OLIG1: variants seen among roughly 807,000 people sequenced by gnomAD.
OLIG1 encodes the protein oligodendrocyte transcription factor 1.
OLIG1 carries 9 observed loss-of-function variants against 13.5 expected under a neutral mutation model. The observed-to-expected ratio is 0.67, with a 90% confidence interval of 0.40 to 1.17. The LOEUF is 1.17. OLIG1 is among the 50% of genes most tolerant of loss of function. The pLI is 0.01. For missense variants in OLIG1, 362 were observed against 392.2 expected, an observed-to-expected ratio of 0.92 and a Z score of 0.65; for synonymous variants, 215 against 208.3, an observed-to-expected ratio of 1.03 and a Z score of -0.28.
At position 33,072,210 on chromosome 21, in the gene OLIG1, C is replaced by T. The variant is rs754327172; in HGVS notation, c.*1148C>T. The T allele has an allele frequency of 6.0e-5, 10 of 167,110 alleles. No individual in the cohort carries two copies. The highest frequency in any genetic ancestry group is 1.4e-4 in the African/African-American group (6 of 41,462). 10.4% of individuals were successfully genotyped at this position (167,110 alleles called of 1,614,324 possible). A position where few individuals can be genotyped will look rare whatever the true frequency, so the allele number is the denominator to read the frequency against. On this transcript the variant is annotated 3_prime_UTR_variant, in exon 1 of 1. Coordinates refer to ENST00000382348, the MANE Select transcript of OLIG1 (RefSeq NM_138983.3). ...CGTCTTGCAGTTGAAGAGCTACATA[C>T]GTAGTCAGTTTCGATTTGTTACAGA...
chr21:33,070,530 GGCCGGACGCCAAGGAGGA>G lies in OLIG1; in HGVS notation c.287_304del (p.Pro96_Glu101del). ...GGCGCGCACCCGGGCGGCAGCGCCC[GGCCGGACGCCAAGGAGGA>G]GCAGCAGCAGCAGCTGCGGCGCAAG... On this transcript the variant is annotated inframe_deletion, in exon 1 of 1. Coordinates refer to ENST00000382348, the MANE Select transcript of OLIG1 (RefSeq NM_138983.3). This position sits in a 1 kb window ranked among gnomAD's most constrained non-coding sequence, Gnocchi z 5.9. 6.7e-7 allele frequency: 1 copy of G among 1,500,824 alleles called. No individual in the cohort carries two copies. The highest frequency in any genetic ancestry group is 8.8e-7 in the Non-Finnish European group (1 of 1,130,808). The allele number at this position is 1,500,824 out of a possible 1,614,324, so 93.0% of individuals were successfully genotyped here.
Position 33,070,357 on chromosome 21 carries a change from C to A in OLIG1, c.111C>A (p.Gly37=). 1 of 1,546,946 alleles carries A rather than the reference C, an allele frequency of 6.5e-7. No homozygotes were observed. Among genetic ancestry groups the A allele is most frequent in the South Asian group, 1.2e-5 (1 of 83,868 alleles). The change falls in exon 1 of 1, where the codon GGC becomes GGA. Residue 37 remains glycine, a synonymous_variant. Coordinates refer to ENST00000382348, the MANE Select transcript of OLIG1 (RefSeq NM_138983.3). The surrounding 1 kb of genome is among the most constrained non-coding windows in gnomAD (Gnocchi z 5.9). ...GGGCCTCCCTCTACGAGCTGGTGGG[C>A]TACAGGCAGCCGCCCTCCTCCTCCT... The part of the protein sequence containing the change: ...QLGASLYELV[G]YRQPPSSSSS...
rs1276721310 is a variant in OLIG1 at position 33,071,737 on chromosome 21, CT to C, written c.*676del. ...AGGGGCGAGGACAACGCAGGGTGCG[CT>C]GGGTTGGGACGTGGGTCCACTTTTG... On this transcript the variant is annotated 3_prime_UTR_variant, in exon 1 of 1. Coordinates refer to ENST00000382348, the MANE Select transcript of OLIG1 (RefSeq NM_138983.3). The surrounding 1 kb of genome is among the most constrained non-coding windows in gnomAD (Gnocchi z 6.0). 6.0e-6 allele frequency: 1 copy of C among 167,090 alleles called. No individual in the cohort carries two copies. The highest frequency in any genetic ancestry group is 1.5e-5 in the Non-Finnish European group (1 of 68,164). The allele number at this position is 167,090 out of a possible 1,614,324, so 10.4% of individuals were successfully genotyped here. A position where few individuals can be genotyped will look rare whatever the true frequency, so the allele number is the denominator to read the frequency against.
rs1230142717 is a variant in OLIG1, at chr21:33,070,564, G to A, written c.318G>A (p.Leu106=). ...PDAKEEQQQQ[L]RRKINSRERK... is the part of the protein sequence containing the mutation. ...CCAAGGAGGAGCAGCAGCAGCAGCT[G>A]CGGCGCAAGATCAACAGCCGCGAGC... is the stretch of plus-strand genomic sequence containing the variant. The change falls in exon 1 of 1, where the codon CTG becomes CTA. Residue 106 remains leucine, a synonymous_variant. Transcript: ENST00000382348. This position sits in a 1 kb window ranked among gnomAD's most constrained non-coding sequence, Gnocchi z 5.9. 2.0e-6 allele frequency: 3 copies of A among 1,531,546 alleles called. No individual in the cohort carries two copies. In the Admixed American group the frequency reaches 5.9e-5, roughly 30 times the overall value. The allele number at this position is 1,531,546 out of a possible 1,614,324, so 94.9% of individuals were successfully genotyped here.
rs1357667227 is a variant in OLIG1 at position 33,071,353 on chromosome 21, G to C, written c.*291G>C. On this transcript the variant is annotated 3_prime_UTR_variant, in exon 1 of 1. Transcript: ENST00000382348. This position sits in a 1 kb window ranked among gnomAD's most constrained non-coding sequence, Gnocchi z 6.0. ...TCTCACCCAGCACATCTCTCTCCTT[G>C]TCCCTGGAGTTGCGCGCTTCGCGGG... The C allele has an allele frequency of 7.6e-6, 2 of 263,060 alleles. No individual in the cohort carries two copies. The highest frequency in any genetic ancestry group is 1.5e-5 in the Non-Finnish European group (2 of 129,884). 16.3% of individuals were successfully genotyped at this position (263,060 alleles called of 1,614,324 possible). A position where few individuals can be genotyped will look rare whatever the true frequency, so the allele number is the denominator to read the frequency against.
chr21:33,070,382 T>A lies in OLIG1; in HGVS notation c.136T>A (p.Ser46Thr), dbSNP rs1429160994. ...CTACAGGCAGCCGCCCTCCTCCTCC[T>A]CCTCCTCCACCTCCTCCACCTCCTC... Reference protein sequence around the residue: ...VGYRQPPSSSSSSTSSTSSTS... With the variant: ...VGYRQPPSSSTSSTSSTSSTS... Residue 46 changes from serine to threonine, a missense_variant, in exon 1 of 1, where the codon TCC (serine) becomes ACC (threonine). By Grantham distance (58) the Ser-to-Thr change is moderately conservative. Transcript: ENST00000382348. This position sits in a 1 kb window ranked among gnomAD's most constrained non-coding sequence, Gnocchi z 5.9. 1 of 1,541,162 alleles carries A rather than the reference T, an allele frequency of 6.5e-7. No individual in the cohort carries two copies. The highest frequency in any genetic ancestry group is 8.7e-7 in the Non-Finnish European group (1 of 1,144,574).
In OLIG1 at chr21:33,070,361, AG is replaced by A; in HGVS notation, c.117del (p.Arg39SerfsTer83). The A allele has an allele frequency of 6.5e-7, 1 of 1,545,932 alleles. No homozygotes were observed. The highest frequency in any genetic ancestry group is 2.5e-5 in the East Asian group (1 of 40,638). ...GASLYELVGY[R>X]QPPSSSSSST... ...CTCCCTCTACGAGCTGGTGGGCTAC[AG>A]GCAGCCGCCCTCCTCCTCCTCCTCC... On this transcript the variant is annotated frameshift_variant, in exon 1 of 1. Coordinates refer to ENST00000382348, the MANE Select transcript of OLIG1 (RefSeq NM_138983.3). LOFTEE classifies it high-confidence loss of function. The surrounding 1 kb of genome is among the most constrained non-coding windows in gnomAD (Gnocchi z 5.9).
chr21:33,071,319 A>C lies in OLIG1; in HGVS notation c.*257A>C. 2.8e-6 allele frequency: 1 copy of C among 356,668 alleles called. No homozygotes were observed. Among genetic ancestry groups the C allele is most frequent in the Non-Finnish European group, 5.4e-6 (1 of 186,820 alleles). The allele number at this position is 356,668 out of a possible 1,614,324, so 22.1% of individuals were successfully genotyped here. On this transcript the variant is annotated 3_prime_UTR_variant, in exon 1 of 1. Coordinates refer to ENST00000382348, the MANE Select transcript of OLIG1 (RefSeq NM_138983.3). This position sits in a 1 kb window ranked among gnomAD's most constrained non-coding sequence, Gnocchi z 6.0. ...TCGGTTCCAGCGGCTTTAGGCAGAAAGTGCTCGCTCTCACCCAGCACATCT... is the reference window on the plus strand; with the variant it reads ...TCGGTTCCAGCGGCTTTAGGCAGAACGTGCTCGCTCTCACCCAGCACATCT...
Position 33,071,153 on chromosome 21 carries a change from G to A in OLIG1, c.*91G>A. On this transcript the variant is annotated 3_prime_UTR_variant, in exon 1 of 1. Transcript: ENST00000382348. The surrounding 1 kb of genome is among the most constrained non-coding windows in gnomAD (Gnocchi z 6.0). ...TGCTCCCTGCGTCTGGGAGAGCGAG[G>A]CCGAGCAAGGAAAGCATTTCGAACC... The A allele has an allele frequency of 8.2e-7, 1 of 1,215,780 alleles. No individual in the cohort carries two copies. Among genetic ancestry groups the A allele is most frequent in the Non-Finnish European group, 1.1e-6 (1 of 922,324 alleles). 75.3% of individuals were successfully genotyped at this position (1,215,780 alleles called of 1,614,324 possible).
rs944655378 is a variant in OLIG1, at chr21:33,071,292, G to A, written c.*230G>A. 2.4e-6 allele frequency: 1 copy of A among 420,148 alleles called. No homozygotes were observed. The highest frequency in any genetic ancestry group is 4.4e-6 in the Non-Finnish European group (1 of 227,632). The allele number at this position is 420,148 out of a possible 1,614,324, so 26.0% of individuals were successfully genotyped here. Reference sequence around the variant, plus strand: ...CGCCTCGGGGCAGTTTGGGGTTCTGGGTCGGTTCCAGCGGCTTTAGGCAGA... The same window carrying A: ...CGCCTCGGGGCAGTTTGGGGTTCTGAGTCGGTTCCAGCGGCTTTAGGCAGA... On this transcript the variant is annotated 3_prime_UTR_variant, in exon 1 of 1. Transcript: ENST00000382348. The surrounding 1 kb of genome is among the most constrained non-coding windows in gnomAD (Gnocchi z 6.0).
rs1395318659 is a variant in OLIG1 at position 33,071,552 on chromosome 21, G to C, written c.*490G>C. 1 of 165,684 alleles carries C rather than the reference G, an allele frequency of 6.0e-6. No individual in the cohort carries two copies. Among genetic ancestry groups the C allele is most frequent in the Non-Finnish European group, 1.5e-5 (1 of 68,242 alleles). 10.3% of individuals were successfully genotyped at this position (165,684 alleles called of 1,614,324 possible). On this transcript the variant is annotated 3_prime_UTR_variant, in exon 1 of 1. Transcript: ENST00000382348. The surrounding 1 kb of genome is among the most constrained non-coding windows in gnomAD (Gnocchi z 6.0). ...GTTCTTTTCCTTCTCCTCCGCCAGAGGCCACGGGCGCCCTTGTTCCCGCCG... is the reference window on the plus strand; with the variant it reads ...GTTCTTTTCCTTCTCCTCCGCCAGACGCCACGGGCGCCCTTGTTCCCGCCG...
Position 33,070,379 on chromosome 21 carries a change from TCCTCCTCCTCCACCTCCTCCA to T in OLIG1, c.142_162del (p.Ser48_Ser54del), listed in dbSNP as rs1982179451. On this transcript the variant is annotated inframe_deletion, in exon 1 of 1. Transcript: ENST00000382348. The surrounding 1 kb of genome is among the most constrained non-coding windows in gnomAD (Gnocchi z 5.9). ...GGGCTACAGGCAGCCGCCCTCCTCC[TCCTCCTCCTCCACCTCCTCCA>T]CCTCCTCCACTTCCTCCTCCTCCAC... The T allele has an allele frequency of 6.5e-7, 1 of 1,541,598 alleles. No homozygotes were observed. Among genetic ancestry groups the T allele is most frequent in the South Asian group, 1.2e-5 (1 of 83,772 alleles).
Position 33,070,478 on chromosome 21 carries a change from G to T in OLIG1, c.232G>T (p.Glu78Ter). The change falls in exon 1 of 1, where the codon GAG becomes TAG. Residue 78 changes from glutamate (E) to a stop codon, truncating the protein, a stop_gained. Transcript: ENST00000382348. LOFTEE classifies it high-confidence loss of function. The surrounding 1 kb of genome is among the most constrained non-coding windows in gnomAD (Gnocchi z 5.9). ...GCGCGAGAAGCCGGAGGCGCCGGCC[G>T]AGCCTCCAGGCCCCGGGCCCGGGTC... Reference protein sequence around the residue: ...AAREKPEAPAEPPGPGPGSGA... With the variant: ...AAREKPEAPA The T allele has an allele frequency of 6.6e-7, 1 of 1,523,970 alleles. No individual in the cohort carries two copies. Among genetic ancestry groups the T allele is most frequent in the Non-Finnish European group, 8.8e-7 (1 of 1,140,568 alleles). 94.4% of individuals were successfully genotyped at this position (1,523,970 alleles called of 1,614,324 possible). A position where few individuals can be genotyped will look rare whatever the true frequency, so the allele number is the denominator to read the frequency against.
rs1247054378 is a variant in OLIG1, at chr21:33,071,620, A to G, written c.*558A>G. The G allele has an allele frequency of 1.8e-5, 3 of 167,144 alleles. No homozygotes were observed. Among genetic ancestry groups the G allele is most frequent in the African/African-American group, 7.2e-5 (3 of 41,448 alleles). 10.4% of individuals were successfully genotyped at this position (167,144 alleles called of 1,614,324 possible). ...GAGGCTGCCGGAACTCAAGAGGCAG[A>G]AAAAGACCAGTTAGGCGGTGCAGAC... On this transcript the variant is annotated 3_prime_UTR_variant, in exon 1 of 1. Coordinates refer to ENST00000382348, the MANE Select transcript of OLIG1 (RefSeq NM_138983.3). This position sits in a 1 kb window ranked among gnomAD's most constrained non-coding sequence, Gnocchi z 6.0.
chr21:33,071,014 C>T lies in OLIG1; in HGVS notation c.768C>T (p.Val256=), dbSNP rs1412217740. Residue 256 remains valine, a synonymous_variant, in exon 1 of 1, where the codon GTC becomes GTT. Coordinates refer to ENST00000382348, the MANE Select transcript of OLIG1 (RefSeq NM_138983.3). The surrounding 1 kb of genome is among the most constrained non-coding windows in gnomAD (Gnocchi z 6.0). ...TCAVCKFPHL[V]PASLGLAAVQ... The stretch of plus-strand genomic sequence containing the variant: ...CCGTGTGCAAGTTCCCGCACCTGGT[C>T]CCGGCCAGCCTGGGCCTGGCCGCCG... 1.4e-6 allele frequency: 2 copies of T among 1,469,050 alleles called. No individual in the cohort carries two copies. The highest frequency in any genetic ancestry group is 1.8e-6 in the Non-Finnish European group (2 of 1,111,836). The allele number at this position is 1,469,050 out of a possible 1,614,324, so 91.0% of individuals were successfully genotyped here.
Position 33,070,482 on chromosome 21 carries a change from C to T in OLIG1, c.236C>T (p.Pro79Leu). The change falls in exon 1 of 1, where the codon CCT becomes CTT. Residue 79 changes from proline to leucine, a missense_variant. By Grantham distance (98) the Pro-to-Leu change is moderately conservative (BLOSUM62 -3). Transcript: ENST00000382348. This position sits in a 1 kb window ranked among gnomAD's most constrained non-coding sequence, Gnocchi z 5.9. ...AREKPEAPAE[P>L]PGPGPGSGAH... ...GAGAAGCCGGAGGCGCCGGCCGAGC[C>T]TCCAGGCCCCGGGCCCGGGTCAGGC... 1 of 1,523,926 alleles carries T rather than the reference C, an allele frequency of 6.6e-7. No individual in the cohort carries two copies. Among genetic ancestry groups the T allele is most frequent in the Non-Finnish European group, 8.8e-7 (1 of 1,140,326 alleles). The allele number at this position is 1,523,926 out of a possible 1,614,324, so 94.4% of individuals were successfully genotyped here.
rs1982225945 is a variant in OLIG1, at chr21:33,071,424, G to C, written c.*362G>C. On this transcript the variant is annotated 3_prime_UTR_variant, in exon 1 of 1. Coordinates refer to ENST00000382348, the MANE Select transcript of OLIG1 (RefSeq NM_138983.3). The surrounding 1 kb of genome is among the most constrained non-coding windows in gnomAD (Gnocchi z 6.0). The stretch of plus-strand genomic sequence containing the variant: ...GCCTTGCCGTGGTTGGCGCGCCCCG[G>C]GTGCAGCGAGAGGCCATCCCCGAGC... 5.6e-6 allele frequency: 1 copy of C among 177,416 alleles called. No individual in the cohort carries two copies. Among genetic ancestry groups the C allele is most frequent in the Admixed American group, 6.4e-5 (1 of 15,530 alleles). 11.0% of individuals were successfully genotyped at this position (177,416 alleles called of 1,614,324 possible). A position where few individuals can be genotyped will look rare whatever the true frequency, so the allele number is the denominator to read the frequency against.
Position 33,071,013 on chromosome 21 carries a change from T to A in OLIG1, c.767T>A (p.Val256Asp). ...TCAVCKFPHL[V>D]PASLGLAAVQ... ...GCCGTGTGCAAGTTCCCGCACCTGG[T>A]CCCGGCCAGCCTGGGCCTGGCCGCC... Residue 256 changes from valine to aspartate, a missense_variant, in exon 1 of 1, where the codon GTC becomes GAC. Transcript: ENST00000382348. The surrounding 1 kb of genome is among the most constrained non-coding windows in gnomAD (Gnocchi z 6.0). 1 of 1,456,000 alleles carries A rather than the reference T, an allele frequency of 6.9e-7. No homozygotes were observed. The highest frequency in any genetic ancestry group is 9.1e-7 in the Non-Finnish European group (1 of 1,103,188). 90.2% of individuals were successfully genotyped at this position (1,456,000 alleles called of 1,614,324 possible). A position where few individuals can be genotyped will look rare whatever the true frequency, so the allele number is the denominator to read the frequency against.
At position 33,071,021 on chromosome 21, in the gene OLIG1, A is replaced by G. The variant is rs1359602370; in HGVS notation, c.775A>G (p.Ser259Gly). The G allele has an allele frequency of 2.2e-6, 3 of 1,334,184 alleles. No individual in the cohort carries two copies. The highest frequency in any genetic ancestry group is 3.2e-5 in the African/African-American group (2 of 62,674). The allele number at this position is 1,334,184 out of a possible 1,614,324, so 82.6% of individuals were successfully genotyped here. A position where few individuals can be genotyped will look rare whatever the true frequency, so the allele number is the denominator to read the frequency against. The change falls in exon 1 of 1, where the codon AGC (serine) becomes GGC (glycine). Residue 259 changes from serine to glycine, a missense_variant. Transcript: ENST00000382348. The surrounding 1 kb of genome is among the most constrained non-coding windows in gnomAD (Gnocchi z 6.0). ...CAAGTTCCCGCACCTGGTCCCGGCCAGCCTGGGCCTGGCCGCCGTGCAGGC... is the reference window on the plus strand; with the variant it reads ...CAAGTTCCCGCACCTGGTCCCGGCCGGCCTGGGCCTGGCCGCCGTGCAGGC... ...VCKFPHLVPA[S>G]LGLAAVQAQF...
Sources: allele counts gnomAD v4.1 joint callset, GRCh38; gene constraint gnomAD v4.1.1; non-coding constraint Gnocchi (gnomAD v3.1); transcripts MANE v1.5; gene names NCBI Gene and HGNC (gene_info 2026-07-23, HGNC 2026-07-21).